CIMIP4: variants seen among roughly 807,000 people sequenced by gnomAD.
CIMIP4 encodes protein EAN57.
the CIMIP4 span, among the ~76,000 whole-genome samples, chr22:36,996,030 C>G: frequency 6.6e-6 from 1 of 152,098 alleles, no homozygotes; most frequent in South Asian, 2.1e-4. Context: ...GGAATTTAAA[C>G]TCTAGCCTCT....
the CIMIP4 span, among the ~76,000 whole-genome samples, chr22:36,993,838 A>C: frequency 6.6e-6 from 1 of 152,358 alleles, no homozygotes; most frequent in Non-Finnish European, 1.5e-5. Context: ...ATCAATATGA[A>C]CGAATTAAAC....
At chr22:36,994,144 C>T in the CIMIP4 span, among the ~76,000 whole-genome samples, 1 of 152,110 alleles carries the variant, frequency 6.6e-6, no homozygotes, top group African/African-American at 2.4e-5. Context: ...GACAGAACCA[C>T]AGGACAAATG....
the CIMIP4 span, among the ~76,000 whole-genome samples, chr22:37,003,118 G>A: frequency 6.6e-6 from 1 of 152,252 alleles, no homozygotes; most frequent in African/African-American, 2.4e-5. Flanking sequence ...TGGCCGTCAG[G>A]CCTCTGAGCC....
the CIMIP4 span, among the ~76,000 whole-genome samples, chr22:37,000,694 A>G: frequency 3.9e-4 from 59 of 152,302 alleles, no homozygotes; most frequent in African/African-American, 1.2e-3. Flanking sequence ...TAAGTTACAG[A>G]TGGGCAGAAA....
At chr22:37,001,907 C>T in the CIMIP4 span, 1 of 1,613,164 alleles carries the variant, frequency 6.2e-7, no homozygotes, top group Admixed American at 1.7e-5. Flanking sequence ...AGGAATGATG[C>T]TGCCCTTCTG....
chr22:37,007,142 G>A, the CIMIP4 span, among the ~76,000 whole-genome samples: 8 of 152,094 alleles, frequency 5.3e-5, no homozygotes, highest in African/African-American at 7.2e-5. Flanking sequence ...ACACTCCACC[G>A]GTATTCCCAA....
At chr22:37,001,423 C>G in the CIMIP4 span, among the ~76,000 whole-genome samples, 1 of 152,114 alleles carries the variant, frequency 6.6e-6, no homozygotes, top group Non-Finnish European at 1.5e-5. Context: ...TATCCATCCA[C>G]TAAATGCTGT....
At chr22:37,003,869 G>C in the CIMIP4 span, 1 of 1,307,116 alleles carries the variant, frequency 7.7e-7, no homozygotes. Context: ...AACACAAGAC[G>C]GAGCGGGAGG....
the CIMIP4 span, among the ~76,000 whole-genome samples, chr22:36,996,330 T>G: frequency 4.6e-5 from 7 of 152,054 alleles, no homozygotes; most frequent in Admixed American, 1.3e-4. Flanking sequence ...TGCATAAAGC[T>G]TCTGGATACG....
chr22:37,003,839 C>T, the CIMIP4 span: 23 of 905,838 alleles, frequency 2.5e-5, no homozygotes, highest in African/African-American at 1.0e-4. Context: ...AAGCCTGGGC[C>T]GATGGTGGGT....
chr22:36,995,542 T>C, the CIMIP4 span, among the ~76,000 whole-genome samples: 1 of 152,142 alleles, frequency 6.6e-6, no homozygotes, highest in Non-Finnish European at 1.5e-5. Context: ...GTGGGAAGCC[T>C]ATACACCCAG....
the CIMIP4 span, chr22:37,002,248 C>A: frequency 6.9e-7 from 1 of 1,448,824 alleles, no homozygotes; most frequent in South Asian, 1.5e-5. Flanking sequence ...TCCAGGGGTC[C>A]AAGTCCTGTT....
the CIMIP4 span, chr22:37,001,926 G>A: frequency 6.2e-7 from 1 of 1,613,584 alleles, no homozygotes; most frequent in Non-Finnish European, 8.5e-7. Flanking sequence ...TGGTTCGTGG[G>A]CGTGCTCCTC....
chr22:36,991,139 G>A, the CIMIP4 span: 1 of 1,582,598 alleles, frequency 6.3e-7, no homozygotes, highest in Non-Finnish European at 8.7e-7. Flanking sequence ...CTTATTGTTA[G>A]CACTTTATTT....
chr22:36,992,739 G>C, the CIMIP4 span, among the ~76,000 whole-genome samples: 3 of 152,022 alleles, frequency 2.0e-5, no homozygotes, highest in Non-Finnish European at 1.5e-5. Flanking sequence ...TAAAATAGCA[G>C]ATCAAATAAA....
the CIMIP4 span, among the ~76,000 whole-genome samples, chr22:37,004,405 T>C: frequency 6.6e-6 from 1 of 151,722 alleles, no homozygotes; most frequent in Non-Finnish European, 1.5e-5. Context: ...ACCACCACCC[T>C]AGGAGACCCT....
chr22:36,996,874 C>T, the CIMIP4 span, among the ~76,000 whole-genome samples: 1 of 152,168 alleles, frequency 6.6e-6, no homozygotes, highest in Non-Finnish European at 1.5e-5. Flanking sequence ...TGTGTCAAAA[C>T]CTGATGGATA....
At chr22:36,993,101 T>C in the CIMIP4 span, among the ~76,000 whole-genome samples, 1 of 151,104 alleles carries the variant, frequency 6.6e-6, no homozygotes, top group Non-Finnish European at 1.5e-5. Flanking sequence ...AACCTCCATC[T>C]CCCAGGTTCA....
the CIMIP4 span, among the ~76,000 whole-genome samples, chr22:36,991,929 C>T: frequency 6.6e-6 from 1 of 152,184 alleles, no homozygotes; most frequent in African/African-American, 2.4e-5. Context: ...GAAAACTTAT[C>T]TCTGTTTTCA....
Sources: gnomAD v4.1 joint callset for allele counts (sites outside exome capture counted in the v4.1 genomes callset) on GRCh38, gnomAD v4.1.1 for gene constraint, MANE v1.5 for transcripts, NCBI Gene and HGNC (gene_info 2026-07-23, HGNC 2026-07-21) for gene names.